Variants in HMGCLL1 observed in about 807,000 individuals in gnomAD.
HMGCLL1 encodes 3-hydroxymethyl-3-methylglutaryl-CoA lyase, cytoplasmic.
HMGCLL1 carries 36 observed loss-of-function variants against 39.1 expected under a neutral mutation model. The ratio of observed to expected loss-of-function variants is 0.92; its 90% confidence interval spans 0.71 to 1.22. The LOEUF is 1.22. Among genes scored for constraint, HMGCLL1 ranks in the 50% most tolerant of loss-of-function variants. The pLI, the probability that HMGCLL1 is intolerant of heterozygous loss-of-function variation, is 0.00. For missense variants in HMGCLL1, 451 were observed against 416.5 expected, an observed-to-expected ratio of 1.08 and a Z score of -0.72; for synonymous variants, 149 against 144.0, an observed-to-expected ratio of 1.03 and a Z score of -0.25.
chr6:55,629,576 A>G, the HMGCLL1 span, among the ~76,000 whole-genome samples: 1 of 152,168 alleles, frequency 6.6e-6, no homozygotes, highest in Non-Finnish European at 1.5e-5. Flanking sequence ...GACAATGGGG[A>G]AAATATCTCC....
the HMGCLL1 span, among the ~76,000 whole-genome samples, chr6:55,646,761 T>C: frequency 6.6e-6 from 1 of 152,034 alleles, no homozygotes; most frequent in East Asian, 1.9e-4. Context: ...AGAAGATACT[T>C]GATATTATTT....
intron 1 of HMGCLL1, chr6:55,566,750 G>A (rs1771238621): frequency 2.7e-6 from 1 of 373,102 alleles, no homozygotes; most frequent in Non-Finnish European, 5.4e-6. Flanking sequence ...TACAACAGTA[G>A]CCAAGAAAAG....
chr6:55,627,412 C>T, the HMGCLL1 span, among the ~76,000 whole-genome samples: 13,030 of 151,810 alleles, frequency 0.086, 1,010 homozygotes, highest in East Asian at 0.36. Context: ...TTACATTAGG[C>T]GTAATTATAA....
At chr6:55,607,763 T>A in the HMGCLL1 span, among the ~76,000 whole-genome samples, 1 of 152,102 alleles carries the variant, frequency 6.6e-6, no homozygotes, top group African/African-American at 2.4e-5. Context: ...CCTTAATAAA[T>A]ATTGTGCAAA....
At chr6:55,454,006 A>G (rs1007789615) in intron 7 of HMGCLL1, among the ~76,000 whole-genome samples, 5 of 152,208 alleles carry the variant, frequency 3.3e-5, no homozygotes, top group African/African-American at 1.2e-4. Flanking sequence ...GCTATTTACC[A>G]CGTTTCCTGA....
intron 5 of HMGCLL1, among the ~76,000 whole-genome samples, chr6:55,504,880 T>C (rs1767074478): frequency 6.6e-6 from 1 of 151,654 alleles, no homozygotes; most frequent in African/African-American, 2.4e-5. Flanking sequence ...TTTATTTATG[T>C]TCTAAATCCT....
chr6:55,597,451 C>G, the HMGCLL1 span, among the ~76,000 whole-genome samples: 2 of 150,936 alleles, frequency 1.3e-5, no homozygotes, highest in African/African-American at 4.9e-5. Context: ...ATTTTCATAT[C>G]TGTGTTTAAA....
At chr6:55,623,685 A>C in the HMGCLL1 span, among the ~76,000 whole-genome samples, 1 of 149,146 alleles carries the variant, frequency 6.7e-6, no homozygotes, top group Non-Finnish European at 1.5e-5. Flanking sequence ...TATATATAAT[A>C]CATATATACA....
chr6:55,503,121 A>G (rs1271143941), intron 5 of HMGCLL1, among the ~76,000 whole-genome samples: 1 of 151,874 alleles, frequency 6.6e-6, no homozygotes, highest in Non-Finnish European at 1.5e-5. Flanking sequence ...TATTTAAACA[A>G]TCCTATCGAA....
At chr6:55,606,234 A>C in the HMGCLL1 span, among the ~76,000 whole-genome samples, 1 of 152,212 alleles carries the variant, frequency 6.6e-6, no homozygotes, top group Non-Finnish European at 1.5e-5. Context: ...GGACACAACA[A>C]AATCCAAACA....
At chr6:55,641,192 G>A in the HMGCLL1 span, among the ~76,000 whole-genome samples, 1 of 151,618 alleles carries the variant, frequency 6.6e-6, no homozygotes, top group South Asian at 2.1e-4. Context: ...TATATATTAT[G>A]AGCTATTATA....
intron 4 of HMGCLL1, among the ~76,000 whole-genome samples, chr6:55,515,067 A>G (rs2127436960): frequency 6.6e-6 from 1 of 152,224 alleles, no homozygotes; most frequent in African/African-American, 2.4e-5. Context: ...ATCCTGGCCA[A>G]CATGGTGAAA....
the HMGCLL1 span, among the ~76,000 whole-genome samples, chr6:55,629,142 C>T: frequency 6.6e-6 from 1 of 152,144 alleles, no homozygotes; most frequent in African/African-American, 2.4e-5. Context: ...TTGAAACTTC[C>T]TAGCAACTTG....
intron 7 of HMGCLL1, among the ~76,000 whole-genome samples, chr6:55,454,712 C>T (rs1037430599): frequency 2.6e-5 from 4 of 152,138 alleles, no homozygotes; most frequent in African/African-American, 9.7e-5. Context: ...TAACTCCCCA[C>T]TAATGCCAGG....
intron 7 of HMGCLL1, among the ~76,000 whole-genome samples, chr6:55,486,555 A>G (rs1766044567): frequency 6.6e-6 from 1 of 152,076 alleles, no homozygotes; most frequent in South Asian, 2.1e-4. Flanking sequence ...TGCCTTGGAA[A>G]GATCAATATT....
At chr6:55,562,778 C>A (rs1362299938) in intron 1 of HMGCLL1, among the ~76,000 whole-genome samples, 1 of 152,024 alleles carries the variant, frequency 6.6e-6, no homozygotes, top group African/African-American at 2.4e-5. Context: ...GAGAGTCTAC[C>A]TTATCAATGC....
At chr6:55,549,850 T>C (rs1770224263) in intron 1 of HMGCLL1, among the ~76,000 whole-genome samples, 1 of 151,944 alleles carries the variant, frequency 6.6e-6, no homozygotes, top group African/African-American at 2.4e-5. Context: ...GTTTTCAGCT[T>C]TATAATACAC....
chr6:55,446,021 T>C (rs984835358), intron 7 of HMGCLL1, among the ~76,000 whole-genome samples: 1 of 151,938 alleles, frequency 6.6e-6, no homozygotes, highest in Non-Finnish European at 1.5e-5. Context: ...AGCATATTTG[T>C]ATTTTTCCTT....
chr6:55,534,006 C>T (rs1484115039), intron 3 of HMGCLL1, among the ~76,000 whole-genome samples: 1 of 151,666 alleles, frequency 6.6e-6, no homozygotes, highest in East Asian at 1.9e-4. Context: ...TAATTTCATT[C>T]TACAGTAAAG....
Sources: gnomAD v4.1 joint callset for allele counts (sites outside exome capture counted in the v4.1 genomes callset) on GRCh38, gnomAD v4.1.1 for gene constraint, MANE v1.5 for transcripts, NCBI Gene and HGNC (gene_info 2026-07-23, HGNC 2026-07-21) for gene names.